Variants in MYO16 observed in about 807,000 individuals in gnomAD.
The protein encoded by MYO16 is myosin XVI.
Under a neutral mutation model 205.3 loss-of-function variants are expected in MYO16, and 94 were observed. That is an observed-to-expected ratio of 0.46 (90% CI 0.39 to 0.54). MYO16 has a LOEUF of 0.54. Ranked by LOEUF, MYO16 falls within the 20% of genes least tolerant of loss-of-function variation. MYO16 has a pLI of 0.00. For synonymous variants in MYO16, 988 were observed against 954.0 expected, an observed-to-expected ratio of 1.04 and a Z score of -0.66; for missense variants, 2,315 against 2,387.5, an observed-to-expected ratio of 0.97 and a Z score of 0.63.
intron 1 of MYO16, among the ~76,000 whole-genome samples, chr13:108,631,978 T>C (rs1162805994): frequency 6.7e-6 from 1 of 149,728 alleles, no homozygotes; most frequent in African/African-American, 2.5e-5. Context: ...CTTGGGAGGT[T>C]GAGGCAGGAG....
chr13:108,752,785 A>C (rs1002690661), intron 4 of MYO16, among the ~76,000 whole-genome samples: 66 of 138,134 alleles, frequency 4.8e-4, no homozygotes, highest in African/African-American at 1.7e-3. Context: ...GGGATTACAG[A>C]CACCTGCCAC....
At chr13:109,130,037 TAC>T (rs535095130) in intron 31 of MYO16, among the ~76,000 whole-genome samples, 16 of 147,184 alleles carry the variant, frequency 1.1e-4, no homozygotes, top group Admixed American at 2.7e-4. Context: ...GAGATATATA[TAC>T]ACACACACAC....
chr13:108,817,536 T>G (rs1225379583), intron 7 of MYO16, among the ~76,000 whole-genome samples: 2 of 152,144 alleles, frequency 1.3e-5, no homozygotes, highest in Non-Finnish European at 2.9e-5. Flanking sequence ...CGGGGGGAAC[T>G]GTTGGTGATG....
At chr13:109,033,785 A>G (rs1886621392) in intron 23 of MYO16, among the ~76,000 whole-genome samples, 1 of 152,170 alleles carries the variant, frequency 6.6e-6, no homozygotes, top group Non-Finnish European at 1.5e-5. Flanking sequence ...AGCTGAGGGC[A>G]GGAGGTGGAA....
intron 23 of MYO16, among the ~76,000 whole-genome samples, chr13:109,028,630 G>A (rs1315004363): frequency 6.6e-6 from 1 of 150,482 alleles, no homozygotes; most frequent in African/African-American, 2.4e-5. Context: ...GTAATTTTAT[G>A]ATGGCATAAA....
intron 4 of MYO16, among the ~76,000 whole-genome samples, chr13:108,729,362 G>T (rs6492139): frequency 0.98 from 149,517 of 152,268 alleles, 73,454 homozygotes; most frequent in Middle Eastern, 1. Context: ...CATAGAGCAC[G>T]CAGCTGGGTC....
At chr13:109,097,848 T>C (rs867164062) in intron 27 of MYO16, among the ~76,000 whole-genome samples, 9 of 152,216 alleles carry the variant, frequency 5.9e-5, no homozygotes, top group Admixed American at 2.0e-4. Flanking sequence ...CTGATACTGA[T>C]AAATTCATTC....
intron 13 of MYO16, among the ~76,000 whole-genome samples, chr13:108,883,643 T>G (rs1319679171): frequency 6.6e-6 from 1 of 151,982 alleles, no homozygotes; most frequent in African/African-American, 2.4e-5. Context: ...TAAACTTTTT[T>G]TTTTTTTTTG....
At chr13:108,967,719 C>T (rs550883864) in intron 20 of MYO16, among the ~76,000 whole-genome samples, 4 of 152,220 alleles carry the variant, frequency 2.6e-5, no homozygotes, top group South Asian at 2.1e-4. Context: ...AATATAATGC[C>T]GTATATTTGC....
At chr13:109,023,857 T>C (rs1886258079) in intron 23 of MYO16, among the ~76,000 whole-genome samples, 1 of 138,266 alleles carries the variant, frequency 7.2e-6, no homozygotes, top group South Asian at 2.2e-4. Context: ...ATTCAATAAA[T>C]ATAAAATTTA....
rs1313656003 is a variant in MYO16 at position 109,127,743 on chromosome 13, A to G, written c.4051+193A>G. 1 of 578,792 alleles carries G rather than the reference A, an allele frequency of 1.7e-6. No homozygotes were observed. Among genetic ancestry groups the G allele is most frequent in the East Asian group, 2.9e-5 (1 of 34,380 alleles). The allele number at this position is 578,792 out of a possible 1,614,324, so 35.9% of individuals were successfully genotyped here. On this transcript the variant is annotated intron_variant, in intron 31 of 34. Coordinates refer to ENST00000457511, the MANE Select transcript of MYO16 (RefSeq NM_001198950.3). This position sits in a 1 kb window ranked among gnomAD's most constrained non-coding sequence, Gnocchi z 4.2. The stretch of plus-strand genomic sequence containing the variant: ...TCAAATCTCTAAGCCTCTTAGGGAA[A>G]AGCTACTTACATGGCATTTCCTTAA...
intron 12 of MYO16, among the ~76,000 whole-genome samples, chr13:108,871,694 G>T (rs1198435694): frequency 2.6e-5 from 4 of 152,098 alleles, no homozygotes; most frequent in Admixed American, 1.3e-4. Flanking sequence ...ACTGTGTGAG[G>T]CTGCTCAAAT....
chr13:109,019,478 C>T (rs746274882), intron 22 of MYO16, among the ~76,000 whole-genome samples: 25 of 152,014 alleles, frequency 1.6e-4, no homozygotes, highest in South Asian at 4.2e-4. Flanking sequence ...CATTACAATA[C>T]GTTTTTTACT....
chr13:109,148,342 T>C (rs1877456430), intron 32 of MYO16, among the ~76,000 whole-genome samples: 1 of 152,220 alleles, frequency 6.6e-6, no homozygotes, highest in Non-Finnish European at 1.5e-5. Flanking sequence ...CAATAATTCA[T>C]ACAGGGAAAT....
chr13:108,561,470 A>G, the MYO16 span, among the ~76,000 whole-genome samples: 1 of 152,242 alleles, frequency 6.6e-6, no homozygotes, highest in African/African-American at 2.4e-5. Flanking sequence ...GAATATTTTT[A>G]TAACTTTCTA....
At chr13:108,837,925 T>C (rs1402789672) in intron 9 of MYO16, among the ~76,000 whole-genome samples, 2 of 152,306 alleles carry the variant, frequency 1.3e-5, no homozygotes, top group East Asian at 3.9e-4. Context: ...ATCTACTCTT[T>C]TATTAATCAC....
At chr13:109,045,768 T>C (rs1044646372) in intron 23 of MYO16, among the ~76,000 whole-genome samples, 1 of 152,210 alleles carries the variant, frequency 6.6e-6, no homozygotes, top group African/African-American at 2.4e-5. Context: ...TTCCAGGTCC[T>C]TCCACAGTCT....
At chr13:108,824,306 A>C (rs1876142026) in intron 9 of MYO16, among the ~76,000 whole-genome samples, 1 of 152,100 alleles carries the variant, frequency 6.6e-6, no homozygotes. Flanking sequence ...AACATGGAAA[A>C]CTTTATGAAG....
chr13:109,118,128 G>C (rs988075807), intron 28 of MYO16, among the ~76,000 whole-genome samples: 9 of 152,178 alleles, frequency 5.9e-5, no homozygotes, highest in Admixed American at 4.6e-4. Flanking sequence ...AAATGGCTTA[G>C]AAAACATGCT....
Sources: allele counts gnomAD v4.1 joint callset (sites outside exome capture counted in the v4.1 genomes callset), GRCh38; gene constraint gnomAD v4.1.1; non-coding constraint Gnocchi (gnomAD v3.1); transcripts MANE v1.5; gene names NCBI Gene and HGNC (gene_info 2026-07-23, HGNC 2026-07-21).